The following BTN2A2 variants were observed in gnomAD, a reference collection of about 807,000 sequenced individuals.
BTN2A2 encodes the protein butyrophilin 2.
In BTN2A2, 29 loss-of-function variants were observed where a neutral mutation model predicts 34.7. That is an observed-to-expected ratio of 0.84 (90% CI 0.62 to 1.14). BTN2A2 has a LOEUF of 1.14. Among genes scored for constraint, BTN2A2 ranks in the 50% most tolerant of loss-of-function variants. The probability of loss-of-function intolerance (pLI) is 0.00; values close to 1 mark genes in which losing one functional copy is unlikely to be tolerated. For missense variants in BTN2A2, 612 were observed against 651.5 expected, an observed-to-expected ratio of 0.94 and a Z score of 0.66; for synonymous variants, 240 against 253.1, an observed-to-expected ratio of 0.95 and a Z score of 0.49.
chr6:26,392,542 TA>T lies in BTN2A2; in HGVS notation c.1148del (p.Tyr383SerfsTer9). On this transcript the variant is annotated frameshift_variant, in exon 8 of 8. Transcript: ENST00000356709. LOFTEE classifies it low-confidence loss of function (END_TRUNC). ...GWESFASGKH[Y>X]WEVEVENVMV... ...GGAGAGCTTCGCCTCAGGGAAACAT[TA>T]CTGGGAGGTGGAGGTGGAAAACGTG... 1 of 1,614,182 alleles carries T rather than the reference TA, an allele frequency of 6.2e-7. No homozygotes were observed. The highest frequency in any genetic ancestry group is 1.3e-5 in the African/African-American group (1 of 75,048).
At chr6:26,392,189 G>T (rs757822219) in intron 7 of BTN2A2, 186 bp from the exon 8 acceptor site, 4 of 1,517,628 alleles carry the variant, frequency 2.6e-6, no homozygotes, top group Non-Finnish European at 3.6e-6. Flanking sequence ...TCTGTCTCTG[G>T]AGAGATAGAA....
At chr6:26,390,558 C>A in intron 5 of BTN2A2, 129 bp from the exon 6 acceptor site, 1 of 1,152,728 alleles carries the variant, frequency 8.7e-7, no homozygotes, top group Non-Finnish European at 1.3e-6. Flanking sequence ...TCTGACTGTT[C>A]CTTAGGCATA....
In BTN2A2 at chr6:26,392,680, G is replaced by C; in HGVS notation, c.1285G>C (p.Ala429Pro). 6.2e-7 allele frequency: 1 copy of C among 1,614,210 alleles called. No individual in the cohort carries two copies. Among genetic ancestry groups the C allele is most frequent in the South Asian group, 1.1e-5 (1 of 91,084 alleles). ...TLEMFGNQYR[A>P]LSSPERILPL... The stretch of plus-strand genomic sequence containing the variant: ...GGAGATGTTTGGAAACCAATACCGG[G>C]CCCTGTCCTCCCCTGAGAGGATTCT... The change falls in exon 8 of 8, where the codon GCC (alanine) becomes CCC (proline). Residue 429 changes from alanine to proline, a missense_variant. Coordinates refer to ENST00000356709, the MANE Select transcript of BTN2A2 (RefSeq NM_006995.5).
At chr6:26,390,592 A>G in intron 5 of BTN2A2, 95 bp from the exon 6 acceptor site, 2 of 1,504,046 alleles carry the variant, frequency 1.3e-6, no homozygotes, top group East Asian at 2.3e-5. Context: ...GTTGGTGTTC[A>G]TAGAAAGGAT....
In BTN2A2 at chr6:26,392,874, C is replaced by G. The variant is rs760867172; in HGVS notation, c.1479C>G (p.Ile493Met). The change falls in exon 8 of 8, where the codon ATC becomes ATG. Residue 493 changes from isoleucine (I) to methionine (M), a missense_variant. Physicochemically the swap from Ile to Met is conservative, Grantham distance 10. Coordinates refer to ENST00000356709, the MANE Select transcript of BTN2A2 (RefSeq NM_006995.5). ...GGTTAGGGTCTGATGACAGCCCCAT[C>G]TTCATCTGCCCTGCACTCACAGGAG... ...FFRLGSDDSP[I>M]FICPALTGAS... is the part of the protein sequence containing the mutation. 2.5e-6 allele frequency: 4 copies of G among 1,614,242 alleles called. No homozygotes were observed. Among genetic ancestry groups the G allele is most frequent in the Non-Finnish European group, 3.4e-6 (4 of 1,180,042 alleles).
At position 26,389,048 on chromosome 6, in the gene BTN2A2, C is replaced by A. The variant is rs143033654; in HGVS notation, c.724+754C>A. ...GGCAGGAGAATTGCTTGAACCCAGG[C>A]GGCAGAGCTTGCGTCAAGATCGTGC... is the stretch of plus-strand genomic sequence containing the variant. On this transcript the variant is annotated intron_variant, in intron 4 of 7. Transcript: ENST00000356709. 2.7e-4 allele frequency among the ~76,000 whole-genome samples: 41 copies of A among 151,852 alleles called. No individual in the cohort carries two copies. The East Asian group carries it at 8.0e-3, about 30-fold the overall frequency.
chr6:26,389,005 C>T (rs566728911), intron 4 of BTN2A2, among the ~76,000 whole-genome samples: 6 of 151,980 alleles, frequency 3.9e-5, no homozygotes, highest in Admixed American at 6.6e-5. Flanking sequence ...CTGTAATCCC[C>T]GCTGCTTGGG....
At position 26,392,527 on chromosome 6, in the gene BTN2A2, G is replaced by A. The variant is rs780036037; in HGVS notation, c.1132G>A (p.Ala378Thr). The A allele has an allele frequency of 3.5e-5, 56 of 1,614,108 alleles. No individual in the cohort carries two copies. Among genetic ancestry groups the A allele is most frequent in the Admixed American group, 2.2e-4 (13 of 60,010 alleles). ...QPCVLGWESF[A>T]SGKHYWEVEV... ...TTGTGTCCTGGGATGGGAGAGCTTC[G>A]CCTCAGGGAAACATTACTGGGAGGT... Residue 378 changes from alanine to threonine, a missense_variant, in exon 8 of 8, where the codon GCC (alanine) becomes ACC (threonine). Ala to Thr is a moderately conservative substitution (Grantham distance 58). Coordinates refer to ENST00000356709, the MANE Select transcript of BTN2A2 (RefSeq NM_006995.5).
At position 26,393,794 on chromosome 6, in the gene BTN2A2, A is replaced by C. The variant is rs1158319051; in HGVS notation, c.*827A>C. 2.0e-6 allele frequency: 2 copies of C among 980,754 alleles called. No homozygotes were observed. Among genetic ancestry groups the C allele is most frequent in the East Asian group, 1.1e-4 (1 of 8,816 alleles). The allele number at this position is 980,754 out of a possible 1,614,324, so 60.8% of individuals were successfully genotyped here. A position where few individuals can be genotyped will look rare whatever the true frequency, so the allele number is the denominator to read the frequency against. On this transcript the variant is annotated 3_prime_UTR_variant, in exon 8 of 8. Coordinates refer to ENST00000356709, the MANE Select transcript of BTN2A2 (RefSeq NM_006995.5). ...GATCTAATTATGTTTTTAGACACTT[A>C]GAAGTTATTGAGGACTTTAAAGAGC...
At chr6:26,385,820 G>A (rs1042151520) in intron 3 of BTN2A2, among the ~76,000 whole-genome samples, 1 of 152,198 alleles carries the variant, frequency 6.6e-6, no homozygotes, top group African/African-American at 2.4e-5. Context: ...AAAGTGCTAG[G>A]ATTACAGGCG....
chr6:26,387,183 GT>G (rs1761256260), intron 3 of BTN2A2, among the ~76,000 whole-genome samples: 1 of 152,144 alleles, frequency 6.6e-6, no homozygotes, highest in Non-Finnish European at 1.5e-5. Context: ...AGGCAATATG[GT>G]TATCTTAAGG....
At position 26,393,338 on chromosome 6, in the gene BTN2A2, A is replaced by T. The variant is rs1347911312; in HGVS notation, c.*371A>T. The T allele has an allele frequency of 2.6e-5, 32 of 1,208,778 alleles. No individual in the cohort carries two copies. The highest frequency in any genetic ancestry group is 3.3e-5 in the Non-Finnish European group (32 of 958,430). The allele number at this position is 1,208,778 out of a possible 1,614,324, so 74.9% of individuals were successfully genotyped here. A position where few individuals can be genotyped will look rare whatever the true frequency, so the allele number is the denominator to read the frequency against. The stretch of plus-strand genomic sequence containing the variant: ...CACCAGATGCTGTGGACTTGGAATG[A>T]GGCCAACAGGGTTCACCAGGATGAG... On this transcript the variant is annotated 3_prime_UTR_variant, in exon 8 of 8. Transcript: ENST00000356709.
At position 26,383,155 on chromosome 6, in the gene BTN2A2, A is replaced by C. The variant is rs1264890007; in HGVS notation, c.-57A>C. Reference sequence around the variant, plus strand: ...AACAGGTCCCAGATACCGAGTCCGCAACTCCAAACATCGCGATTAATAGGA... The same window carrying C: ...AACAGGTCCCAGATACCGAGTCCGCCACTCCAAACATCGCGATTAATAGGA... On this transcript the variant is annotated 5_prime_UTR_variant, in exon 1 of 8. Coordinates refer to ENST00000356709, the MANE Select transcript of BTN2A2 (RefSeq NM_006995.5). This position sits in a 1 kb window ranked among gnomAD's most constrained non-coding sequence, Gnocchi z 4.4. 1.3e-5 allele frequency: 2 copies of C among 152,538 alleles called. No homozygotes were observed. The highest frequency in any genetic ancestry group is 2.9e-5 in the Non-Finnish European group (2 of 68,286). The allele number at this position is 152,538 out of a possible 1,614,324, so 9.4% of individuals were successfully genotyped here.
rs912940685 is a variant in BTN2A2, at chr6:26,392,858, C to G, written c.1463C>G (p.Ser488Cys). The change falls in exon 8 of 8, where the codon TCT becomes TGT. Residue 488 changes from serine to cysteine, a missense_variant. By Grantham distance (112) the Ser-to-Cys change is moderately radical (BLOSUM62 -1). Transcript: ENST00000356709. The stretch of plus-strand genomic sequence containing the variant: ...GTGAGGCCCTTCTTCAGGTTAGGGT[C>G]TGATGACAGCCCCATCTTCATCTGC... ...VPVRPFFRLG[S>C]DDSPIFICPA... 6.8e-6 allele frequency: 11 copies of G among 1,614,070 alleles called. No homozygotes were observed. Among genetic ancestry groups the G allele is most frequent in the Admixed American group, 5.0e-5 (3 of 60,004 alleles).
In BTN2A2 at chr6:26,392,465, G is replaced by C. The variant is rs1272357955; in HGVS notation, c.1070G>C (p.Arg357Thr). Reference protein sequence around the residue: ...RSVRRGPYRQRVPDNPERFDS... With the variant: ...RSVRRGPYRQTVPDNPERFDS... ...GTGAGGCGGGGCCCCTACAGGCAGAGAGTGCCTGACAACCCAGAGAGATTC... is the reference window on the plus strand; with the variant it reads ...GTGAGGCGGGGCCCCTACAGGCAGACAGTGCCTGACAACCCAGAGAGATTC... Residue 357 changes from arginine to threonine, a missense_variant, in exon 8 of 8, where the codon AGA becomes ACA. By Grantham distance (71) the Arg-to-Thr change is moderately conservative. Transcript: ENST00000356709. 3 of 1,614,132 alleles carry C rather than the reference G, an allele frequency of 1.9e-6. No homozygotes were observed. Among genetic ancestry groups the C allele is most frequent in the East Asian group, 4.5e-5 (2 of 44,896 alleles).
chr6:26,384,925 TTTG>T lies in BTN2A2; in HGVS notation c.95-87_95-85del. 7.6e-7 allele frequency: 1 copy of T among 1,324,390 alleles called. No homozygotes were observed. Among genetic ancestry groups the T allele is most frequent in the Non-Finnish European group, 1.0e-6 (1 of 986,210 alleles). The allele number at this position is 1,324,390 out of a possible 1,614,324, so 82.0% of individuals were successfully genotyped here. On this transcript the variant is annotated intron_variant, in intron 2 of 7. Transcript: ENST00000356709. This position sits in a 1 kb window ranked among gnomAD's most constrained non-coding sequence, Gnocchi z 4.0. ...GCTTCCTTTCATCCCTGGAGTTTTTTTTGTTTGTTTGTTTTTGTTTTTTGTTTT... is the reference window on the plus strand; with the variant it reads ...GCTTCCTTTCATCCCTGGAGTTTTTTTTTGTTTGTTTTTGTTTTTTGTTTT...
chr6:26,391,015 C>A (rs2113761013), intron 7 of BTN2A2, 186 bp downstream of exon 7: 3 of 801,866 alleles, frequency 3.7e-6, no homozygotes, highest in South Asian at 1.6e-5. Flanking sequence ...CCCAGCAGCT[C>A]TTAATGAACC....
intron 6 of BTN2A2, 38 bp downstream of exon 6, chr6:26,390,745 T>C: frequency 3.7e-6 from 6 of 1,614,254 alleles, no homozygotes; most frequent in Non-Finnish European, 5.1e-6. Context: ...CGTGTACAAT[T>C]TGTGTTCTGC....
At chr6:26,390,416 T>C in intron 5 of BTN2A2, 1 of 683,298 alleles carries the variant, frequency 1.5e-6, no homozygotes, top group Non-Finnish European at 2.4e-6. Flanking sequence ...GAGCTTTCTT[T>C]CTTCCATGCT....
Sources: allele counts gnomAD v4.1 joint callset (sites outside exome capture counted in the v4.1 genomes callset), GRCh38; gene constraint gnomAD v4.1.1; non-coding constraint Gnocchi (gnomAD v3.1); transcripts MANE v1.5; gene names NCBI Gene and HGNC (gene_info 2026-07-23, HGNC 2026-07-21).